The following TAS1R1 variants were observed in gnomAD, a reference collection of about 807,000 sequenced individuals.
TAS1R1 encodes taste 1 receptor member 1.
A neutral mutation model predicts 45.8 loss-of-function variants in TAS1R1; 31 were observed. The ratio of observed to expected loss-of-function variants is 0.68; its 90% CI spans 0.51 to 0.91. TAS1R1 has a LOEUF of 0.91. Ranked by LOEUF, TAS1R1 falls within the 40% of genes least tolerant of loss-of-function variation. TAS1R1 has a pLI of 0.00. For synonymous variants in TAS1R1, 437 were observed against 448.4 expected (o/e 0.97, Z 0.32); for missense variants, 1,051 against 1,063.9 (o/e 0.99, Z 0.17).
At position 6,571,192 on chromosome 1, in the gene TAS1R1, C is replaced by T. The variant is rs145544066; in HGVS notation, c.475C>T (p.Leu159=). The T allele has an allele frequency of 2.6e-5, 41 of 1,579,730 alleles. No individual in the cohort carries two copies. The highest frequency in any genetic ancestry group is 3.4e-5 in the Non-Finnish European group (40 of 1,162,018). The change falls in exon 2 of 6, where the codon CTG becomes TTG. Residue 159 remains leucine (L), a synonymous_variant. Coordinates refer to ENST00000333172, the MANE Select transcript of TAS1R1 (RefSeq NM_138697.4). ...CCGTGCTGCCACCACAGCCGCCCTG[C>T]TGAGCCCTTTCCTGGTGCCCATGGT... is the stretch of plus-strand genomic sequence containing the variant. The part of the protein sequence containing the change: ...TNRAATTAAL[L]SPFLVPMISY...
chr1:6,574,940 G>A lies in TAS1R1; in HGVS notation c.808G>A (p.Val270Ile), dbSNP rs375476312. The change falls in exon 3 of 6, where the codon GTC becomes ATC. Residue 270 changes from valine (V) to isoleucine (I), a missense_variant. Transcript: ENST00000333172. This position sits in a 1 kb window ranked among gnomAD's most constrained non-coding sequence, Gnocchi z 4.3. ...MRHLAQAGAT[V>I]VVVFSSRQLA... ...CCACCTGGCCCAGGCCGGGGCCACC[G>A]TCGTGGTTGTTTTTTCCAGCCGGCA... 56 of 1,610,574 alleles carry A rather than the reference G, an allele frequency of 3.5e-5. No homozygotes were observed. The highest frequency in any genetic ancestry group is 4.5e-5 in the Non-Finnish European group (53 of 1,177,392).
intron 3 of TAS1R1, among the ~76,000 whole-genome samples, chr1:6,576,166 A>G (rs948864517): frequency 6.6e-6 from 1 of 152,070 alleles, no homozygotes; most frequent in Non-Finnish European, 1.5e-5. Context: ...TCTCTCACCC[A>G]CTGTGTCTTG....
In TAS1R1 at chr1:6,579,246, C is replaced by A. The variant is rs1195134328; in HGVS notation, c.2188C>A (p.Leu730Met). Residue 730 changes from leucine to methionine, a missense_variant, in exon 6 of 6, where the codon CTG becomes ATG. Physicochemically the swap from Leu to Met is conservative, Grantham distance 15 (BLOSUM62 2). Transcript: ENST00000333172. ...CTETNSLGFI[L>M]AFLYNGLLSI... is the part of the protein sequence containing the mutation. ...AGAGACCAACTCCCTGGGCTTCATA[C>A]TGGCCTTCCTCTACAATGGCCTCCT... 1 of 1,614,100 alleles carries A rather than the reference C, an allele frequency of 6.2e-7. No homozygotes were observed.
In TAS1R1 at chr1:6,579,082, A is replaced by G. The variant is rs2148679067; in HGVS notation, c.2024A>G (p.Gln675Arg). 1 of 1,613,774 alleles carries G rather than the reference A, an allele frequency of 6.2e-7. No individual in the cohort carries two copies. Among genetic ancestry groups the G allele is most frequent in the South Asian group, 1.1e-5 (1 of 91,076 alleles). Residue 675 changes from glutamine to arginine, a missense_variant, in exon 6 of 6, where the codon CAA becomes CGA. By Grantham distance (43) the Gln-to-Arg change is conservative. Transcript: ENST00000333172. ...CCTACATTCTACCACGCCTGGGTCC[A>G]AAACCACGGTGCTGGCCTGTTTGTG... ...KVPTFYHAWV[Q>R]NHGAGLFVMI...
chr1:6,574,409 T>C lies in TAS1R1; in HGVS notation c.499-222T>C, dbSNP rs993856943. 1.3e-5 allele frequency among the ~76,000 whole-genome samples: 2 copies of C among 152,206 alleles called. No homozygotes were observed. Among genetic ancestry groups the C allele is most frequent in the Non-Finnish European group, 2.9e-5 (2 of 68,026 alleles). On this transcript the variant is annotated intron_variant, in intron 2 of 5. Transcript: ENST00000333172. The surrounding 1 kb of genome is among the most constrained non-coding windows in gnomAD (Gnocchi z 4.3). ...TCACTCCTATGCAGGTTTTGTCTCC[T>C]TTGCTTGGAATGCATCCCCTCACCC...
intron 1 of TAS1R1, among the ~76,000 whole-genome samples, chr1:6,558,754 C>A (rs183340244): frequency 6.6e-6 from 1 of 152,048 alleles, no homozygotes; most frequent in African/African-American, 2.4e-5. Flanking sequence ...AGTCTCCCTC[C>A]GTCATCCAGC....
chr1:6,563,104 C>T (rs111364904), intron 1 of TAS1R1, among the ~76,000 whole-genome samples: 1,905 of 152,286 alleles, frequency 0.013, 32 homozygotes, highest in African/African-American at 0.043. Context: ...GGCCATACAG[C>T]CTGTATGTCT....
chr1:6,568,681 G>A (rs1016778705), intron 1 of TAS1R1, among the ~76,000 whole-genome samples: 1 of 152,074 alleles, frequency 6.6e-6, no homozygotes, highest in Non-Finnish European at 1.5e-5. Flanking sequence ...GCCCGGCTGG[G>A]GTCTGTGGGT....
chr1:6,563,419 G>A (rs570459260), intron 1 of TAS1R1, among the ~76,000 whole-genome samples: 8 of 152,324 alleles, frequency 5.3e-5, no homozygotes, highest in South Asian at 2.1e-4. Flanking sequence ...ATATAGGAGC[G>A]TAAAAGTTGT....
At chr1:6,569,115 G>T (rs372964767) in intron 1 of TAS1R1, among the ~76,000 whole-genome samples, 2 of 151,674 alleles carry the variant, frequency 1.3e-5, no homozygotes, top group South Asian at 4.2e-4. Context: ...GTTGGAGAGA[G>T]GGGGAGAAGG....
chr1:6,568,412 G>A (rs1639920355), intron 1 of TAS1R1, among the ~76,000 whole-genome samples: 2 of 150,286 alleles, frequency 1.3e-5, no homozygotes, highest in African/African-American at 2.5e-5. Flanking sequence ...CCGAGATTGC[G>A]CCACTGCACT....
chr1:6,571,372 G>A (rs982380380), intron 2 of TAS1R1, among the ~76,000 whole-genome samples, 157 bp downstream of exon 2: 2 of 152,216 alleles, frequency 1.3e-5, no homozygotes, highest in East Asian at 1.9e-4. Flanking sequence ...CCTGCCCAGC[G>A]TGGTTCCTGC....
At chr1:6,561,447 C>T (rs1378582141) in intron 1 of TAS1R1, among the ~76,000 whole-genome samples, 1 of 152,196 alleles carries the variant, frequency 6.6e-6, no homozygotes, top group African/African-American at 2.4e-5. Context: ...CACGGTAGCT[C>T]ATGCCTGTGA....
chr1:6,555,319 C>CTTCTATTAAG lies in TAS1R1; in HGVS notation c.-54_-53insTCTATTAAGT, dbSNP rs1639652755. On this transcript the variant is annotated 5_prime_UTR_variant, in exon 1 of 6. Coordinates refer to ENST00000333172, the MANE Select transcript of TAS1R1 (RefSeq NM_138697.4). ...CGGCAGCTGCCTTCTATTTAAGCAA[C>CTTCTATTAAG]TGGCCTCCTTAGAGGCCACTCCTTG... 1.3e-5 allele frequency: 19 copies of CTTCTATTAAG among 1,469,380 alleles called. No homozygotes were observed. The highest frequency in any genetic ancestry group is 1.6e-5 in the Non-Finnish European group (18 of 1,104,518). The allele number at this position is 1,469,380 out of a possible 1,614,324, so 91.0% of individuals were successfully genotyped here. A position where few individuals can be genotyped will look rare whatever the true frequency, so the allele number is the denominator to read the frequency against.
intron 5 of TAS1R1, among the ~76,000 whole-genome samples, chr1:6,577,729 G>A (rs1453881481): frequency 1.3e-5 from 2 of 152,170 alleles, no homozygotes; most frequent in Non-Finnish European, 2.9e-5. Context: ...TCGGGAGGCT[G>A]AGGCAGGAGA....
At position 6,576,973 on chromosome 1, in the gene TAS1R1, C is replaced by T. The variant is rs756086033; in HGVS notation, c.1497C>T (p.Ser499=). Residue 499 remains serine (S), a synonymous_variant, in exon 5 of 6, where the codon AGC becomes AGT. Coordinates refer to ENST00000333172, the MANE Select transcript of TAS1R1 (RefSeq NM_138697.4). The part of the protein sequence containing the change: ...DNQVPKSVCS[S]DCLEGHQRVV... ...AGGTGCCTAAGTCTGTGTGTTCCAG[C>T]GACTGTCTTGAAGGGCACCAGCGAG... is the stretch of plus-strand genomic sequence containing the variant. 14 of 1,614,150 alleles carry T rather than the reference C, an allele frequency of 8.7e-6. No individual in the cohort carries two copies. Among genetic ancestry groups the T allele is most frequent in the East Asian group, 4.5e-5 (2 of 44,902 alleles).
At chr1:6,567,374 C>A (rs1279065325) in intron 1 of TAS1R1, among the ~76,000 whole-genome samples, 2 of 151,998 alleles carry the variant, frequency 1.3e-5, no homozygotes, top group Non-Finnish European at 2.9e-5. Flanking sequence ...TCCTGGCTAA[C>A]ACGGTGAAAC....
chr1:6,559,879 A>G lies in TAS1R1; in HGVS notation c.191+4315A>G, dbSNP rs527995475. The stretch of plus-strand genomic sequence containing the variant: ...TGGGTGCACCCCTGCAATCCCAGGT[A>G]CTCTGGAGGCTGAGGCAGGAGAATC... On this transcript the variant is annotated intron_variant, in intron 1 of 5. Coordinates refer to ENST00000333172, the MANE Select transcript of TAS1R1 (RefSeq NM_138697.4). Among the ~76,000 whole-genome samples, 9 of 150,900 alleles carry G rather than the reference A, an allele frequency of 6.0e-5. 1 individual carries two copies. In the South Asian group the frequency reaches 1.7e-3, roughly 28 times the overall value.
chr1:6,555,972 C>T (rs907363844), intron 1 of TAS1R1, among the ~76,000 whole-genome samples: 3 of 144,802 alleles, frequency 2.1e-5, no homozygotes, highest in South Asian at 2.3e-4. Context: ...TCCGGGTTCA[C>T]GCCATTCTCC....
Sources: allele counts gnomAD v4.1 joint callset (sites outside exome capture counted in the v4.1 genomes callset), GRCh38; gene constraint gnomAD v4.1.1; non-coding constraint Gnocchi (gnomAD v3.1); transcripts MANE v1.5; gene names NCBI Gene and HGNC (gene_info 2026-07-23, HGNC 2026-07-21).